The following SUSD4 variants were observed in gnomAD, a reference collection of about 807,000 sequenced individuals.
SUSD4 encodes the protein sushi domain-containing protein 4.
SUSD4 carries 41 observed loss-of-function variants against 50.5 expected under a neutral mutation model. That is an observed-to-expected ratio of 0.81 (90% CI 0.63 to 1.05). The LOEUF is 1.05. Ranked by LOEUF, SUSD4 falls within the 50% of genes least tolerant of loss-of-function variation. The probability of loss-of-function intolerance (pLI) is 0.00; values close to 1 mark genes in which losing one functional copy is unlikely to be tolerated. For missense variants in SUSD4, 580 were observed against 634.7 expected (o/e 0.91, Z 0.93); for synonymous variants, 257 against 257.3 (o/e 1.00, Z 0.01).
chr1:223,333,669 G>A (rs1279690236), intron 2 of SUSD4, among the ~76,000 whole-genome samples: 1 of 152,276 alleles, frequency 6.6e-6, no homozygotes, highest in East Asian at 1.9e-4. Context: ...CAGAGCCATG[G>A]AGTCCCAGAA....
intron 2 of SUSD4, among the ~76,000 whole-genome samples, chr1:223,325,408 T>C (rs994531958): frequency 7.2e-5 from 11 of 152,112 alleles, no homozygotes; most frequent in African/African-American, 2.7e-4. Flanking sequence ...AGAAAATTCA[T>C]AATTCATATC....
intron 2 of SUSD4, among the ~76,000 whole-genome samples, chr1:223,351,795 G>C (rs529927858): frequency 2.6e-5 from 4 of 152,124 alleles, no homozygotes; most frequent in Admixed American, 2.6e-4. Context: ...ATGAAAGTGT[G>C]TGTATCTTAA....
chr1:223,321,066 T>C (rs972337210), intron 2 of SUSD4, among the ~76,000 whole-genome samples: 3 of 152,206 alleles, frequency 2.0e-5, no homozygotes. Context: ...AGTCCTAGTG[T>C]TCACAGGTGT....
Position 223,229,232 on chromosome 1 carries a change from C to A in SUSD4, c.881G>T (p.Trp294Leu). Residue 294 changes from tryptophan (W) to leucine (L), a missense_variant, in exon 6 of 9, where the codon TGG (tryptophan) becomes TTG (leucine). Coordinates refer to ENST00000366878, the MANE Select transcript of SUSD4 (RefSeq NM_017982.4). This position sits in a 1 kb window ranked among gnomAD's most constrained non-coding sequence, Gnocchi z 4.7. Reference sequence around the variant, plus strand: ...GCAGTAGACTTGATAAGAAGGAAACCACTCTCCATACTGGCAGGTGATGTA... The same window carrying A: ...GCAGTAGACTTGATAAGAAGGAAACAACTCTCCATACTGGCAGGTGATGTA... ...YKYITCQYGE[W>L]FPSYQVYCIK... is the part of the protein sequence containing the mutation. 1 of 1,610,474 alleles carries A rather than the reference C, an allele frequency of 6.2e-7. No homozygotes were observed. Among genetic ancestry groups the A allele is most frequent in the South Asian group, 1.1e-5 (1 of 90,998 alleles).
At chr1:223,268,916 G>T (rs182104038) in intron 3 of SUSD4, among the ~76,000 whole-genome samples, 3 of 152,250 alleles carry the variant, frequency 2.0e-5, no homozygotes, top group Admixed American at 2.0e-4. Flanking sequence ...ACCACAAAAA[G>T]AACTTTATTT....
At chr1:223,282,706 C>G (rs1663832595) in intron 3 of SUSD4, among the ~76,000 whole-genome samples, 1 of 152,154 alleles carries the variant, frequency 6.6e-6, no homozygotes, top group Non-Finnish European at 1.5e-5. Flanking sequence ...ATCAAGCTAC[C>G]AATGACTTTC....
chr1:223,303,099 G>A (rs527956985), intron 2 of SUSD4, among the ~76,000 whole-genome samples: 15 of 152,146 alleles, frequency 9.9e-5, no homozygotes, highest in Non-Finnish European at 1.5e-4. Context: ...AGTGAGCTAC[G>A]GTGTGATTGT....
chr1:223,338,186 T>G (rs1302765329), intron 2 of SUSD4, among the ~76,000 whole-genome samples: 1 of 152,156 alleles, frequency 6.6e-6, no homozygotes, highest in African/African-American at 2.4e-5. Flanking sequence ...AAATTAACCA[T>G]CGCTTCATAA....
intron 5 of SUSD4, among the ~76,000 whole-genome samples, chr1:223,257,265 A>C (rs759372095): frequency 6.6e-6 from 1 of 152,140 alleles, no homozygotes; most frequent in Non-Finnish European, 1.5e-5. Flanking sequence ...GCACCTTGGG[A>C]GGCCGAGGTG....
intron 5 of SUSD4, among the ~76,000 whole-genome samples, chr1:223,232,670 G>T (rs557224984): frequency 6.6e-6 from 1 of 152,310 alleles, no homozygotes; most frequent in East Asian, 1.9e-4. Context: ...GTGTGCTCAA[G>T]AATTTCTGTA....
chr1:223,330,895 C>T (rs1165508745), intron 2 of SUSD4, among the ~76,000 whole-genome samples: 1 of 152,170 alleles, frequency 6.6e-6, no homozygotes, highest in East Asian at 1.9e-4. Context: ...CCTATCAGAA[C>T]TAGAAGATGG....
intron 2 of SUSD4, among the ~76,000 whole-genome samples, chr1:223,334,036 A>C (rs1667321025): frequency 6.6e-6 from 1 of 152,172 alleles, no homozygotes; most frequent in South Asian, 2.1e-4. Context: ...ATGAACACAG[A>C]GCTTCTCTGC....
intron 3 of SUSD4, among the ~76,000 whole-genome samples, chr1:223,272,569 G>A (rs1662991752): frequency 6.6e-6 from 1 of 152,098 alleles, no homozygotes; most frequent in Admixed American, 6.6e-5. Flanking sequence ...AGGATTTACT[G>A]TTCTTTAAAA....
At chr1:223,287,400 T>C (rs1411383449) in intron 3 of SUSD4, among the ~76,000 whole-genome samples, 1 of 152,136 alleles carries the variant, frequency 6.6e-6, no homozygotes, top group Non-Finnish European at 1.5e-5. Context: ...TGAAGGTACA[T>C]TAAATGTGCG....
At chr1:223,327,102 C>A (rs891316231) in intron 2 of SUSD4, among the ~76,000 whole-genome samples, 5 of 152,084 alleles carry the variant, frequency 3.3e-5, no homozygotes, top group African/African-American at 1.2e-4. Context: ...CAAGTGTCCA[C>A]TGATTAAAGA....
At chr1:223,296,429 TG>T (rs1664828494) in intron 2 of SUSD4, among the ~76,000 whole-genome samples, 3 of 152,118 alleles carry the variant, frequency 2.0e-5, no homozygotes, top group Admixed American at 6.5e-5. Flanking sequence ...TCTGAATTCT[TG>T]GGGATGCCAG....
chr1:223,304,208 G>T (rs1665374627), intron 2 of SUSD4, among the ~76,000 whole-genome samples: 1 of 152,162 alleles, frequency 6.6e-6, no homozygotes, highest in South Asian at 2.1e-4. Context: ...TCTGGGATAG[G>T]AATCTTGGTG....
chr1:223,244,535 C>A (rs897339092), intron 5 of SUSD4, among the ~76,000 whole-genome samples: 4 of 152,134 alleles, frequency 2.6e-5, no homozygotes, highest in Admixed American at 6.5e-5. Context: ...GAGGGCAGGT[C>A]ACGTGGGGAT....
At chr1:223,287,812 G>A (rs1664242406) in intron 3 of SUSD4, among the ~76,000 whole-genome samples, 1 of 152,090 alleles carries the variant, frequency 6.6e-6, no homozygotes, top group Non-Finnish European at 1.5e-5. Flanking sequence ...AAGAGAAAGG[G>A]TCTTCTTCCA....
Sources: gnomAD v4.1 joint callset for allele counts (sites outside exome capture counted in the v4.1 genomes callset) on GRCh38, gnomAD v4.1.1 for gene constraint, Gnocchi (gnomAD v3.1) non-coding constraint, MANE v1.5 for transcripts, NCBI Gene and HGNC (gene_info 2026-07-23, HGNC 2026-07-21) for gene names.